TFG: variants seen among roughly 807,000 people sequenced by gnomAD.
The protein encoded by TFG is trafficking from ER to golgi regulator.
Under a neutral mutation model 51.4 loss-of-function variants are expected in TFG, and 22 were observed. The ratio of observed to expected loss-of-function variants is 0.43; its 90% CI spans 0.31 to 0.61. TFG has a LOEUF of 0.61. TFG is among the 20% of genes least tolerant of loss of function. TFG has a pLI of 0.12. For synonymous variants in TFG, 187 were observed against 165.6 expected (o/e 1.13, Z -0.99); for missense variants, 419 against 487.7 (o/e 0.86, Z 1.33).
intron 1 of TFG, 181 bp downstream of exon 1, chr3:100,709,902 GGGAGGGCGGGCGGGGCCTTGCA>G (rs2095024857): frequency 8.0e-6 from 1 of 125,448 alleles, no homozygotes; most frequent in African/African-American, 2.9e-5. Context: ...GAGGCCGGGG[GGGAGGGCGGGCGGGGCCTTGCA>G]TGGGGGGAGG....
intron 7 of TFG, among the ~76,000 whole-genome samples, chr3:100,747,943 TAGAG>T (rs1334000998): frequency 6.6e-6 from 1 of 152,144 alleles, no homozygotes; most frequent in Non-Finnish European, 1.5e-5. Context: ...GATTATGTCT[TAGAG>T]AGTTTAAAAA....
At chr3:100,738,452 A>G (rs182542007) in intron 6 of TFG, among the ~76,000 whole-genome samples, 4 of 152,362 alleles carry the variant, frequency 2.6e-5, no homozygotes, top group Admixed American at 6.5e-5. Context: ...CTGTTTATGT[A>G]TAAATAAATG....
intron 2 of TFG, among the ~76,000 whole-genome samples, chr3:100,714,902 A>T (rs1254426023): frequency 6.6e-6 from 1 of 152,222 alleles, no homozygotes; most frequent in Non-Finnish European, 1.5e-5. Flanking sequence ...ACTGAGTAGA[A>T]TTATAGTAGT....
intron 7 of TFG, among the ~76,000 whole-genome samples, chr3:100,747,047 CT>C (rs1484695851): frequency 5.9e-5 from 9 of 152,140 alleles, no homozygotes; most frequent in Admixed American, 5.9e-4. Context: ...TAGTCAGGGT[CT>C]TCACTCTGAG....
intron 3 of TFG, among the ~76,000 whole-genome samples, chr3:100,725,061 G>T (rs111616660): frequency 6.6e-6 from 1 of 152,032 alleles, no homozygotes; most frequent in Admixed American, 6.5e-5. Context: ...CTGCCACCAC[G>T]CCCGGCTAAT....
chr3:100,744,695 T>A (rs2095130236), intron 6 of TFG, 138 bp from the exon 7 acceptor site: 1 of 559,366 alleles, frequency 1.8e-6, no homozygotes, highest in Non-Finnish European at 3.3e-6. Context: ...TCATAGACAT[T>A]TAAAGTTGAA....
intron 2 of TFG, among the ~76,000 whole-genome samples, chr3:100,717,585 T>A (rs1369831589): frequency 6.6e-6 from 1 of 151,646 alleles, no homozygotes; most frequent in African/African-American, 2.4e-5. Flanking sequence ...CAGTGTTTTT[T>A]TTTTTTTTTG....
chr3:100,737,037 A>G (rs1171634643), intron 6 of TFG, among the ~76,000 whole-genome samples: 2 of 152,336 alleles, frequency 1.3e-5, no homozygotes, highest in East Asian at 1.9e-4. Flanking sequence ...ATTTTGTGTT[A>G]TAGATGCTAT....
chr3:100,713,554 G>A (rs548783611), intron 1 of TFG, 89 bp from the exon 2 acceptor site: 435 of 512,218 alleles, frequency 8.5e-4, no homozygotes, highest in Middle Eastern at 3.9e-3. Context: ...ATCTTTTGGA[G>A]GCTAGAGTTT....
chr3:100,746,542 A>G (rs1201193700), intron 7 of TFG, among the ~76,000 whole-genome samples: 3 of 151,718 alleles, frequency 2.0e-5, no homozygotes, highest in Non-Finnish European at 4.4e-5. Context: ...CCATATTTCC[A>G]TTTTTTTGCT....
chr3:100,711,967 C>G (rs72919426), intron 1 of TFG, among the ~76,000 whole-genome samples: 1 of 152,220 alleles, frequency 6.6e-6, no homozygotes, highest in East Asian at 1.9e-4. Context: ...ACTGTCTTCA[C>G]GAGAAGTCCA....
chr3:100,725,477 T>C (rs968806119), intron 3 of TFG, among the ~76,000 whole-genome samples: 5 of 151,370 alleles, frequency 3.3e-5, no homozygotes, highest in Admixed American at 1.3e-4. Flanking sequence ...GGAGCAAAGA[T>C]GAAAAAAATA....
intron 2 of TFG, among the ~76,000 whole-genome samples, chr3:100,719,321 A>G (rs1407438045): frequency 6.6e-6 from 1 of 152,092 alleles, no homozygotes; most frequent in Non-Finnish European, 1.5e-5. Flanking sequence ...TAGAGAATGT[A>G]TTTTTCCCTT....
chr3:100,748,704 A>C lies in TFG; in HGVS notation c.*173A>C. On this transcript the variant is annotated 3_prime_UTR_variant, in exon 8 of 8. Transcript: ENST00000240851. ...AATTTGCTGGAACACAAAGACCAAAATGAAAGTTTTTTCCTCCCTGCTTAA... is the reference window on the plus strand; with the variant it reads ...AATTTGCTGGAACACAAAGACCAAACTGAAAGTTTTTTCCTCCCTGCTTAA... The C allele has an allele frequency of 2.6e-6, 2 of 766,634 alleles. No homozygotes were observed. Among genetic ancestry groups the C allele is most frequent in the Non-Finnish European group, 3.9e-6 (2 of 514,176 alleles). The allele number at this position is 766,634 out of a possible 1,614,324, so 47.5% of individuals were successfully genotyped here.
chr3:100,711,893 C>T (rs72919423), intron 1 of TFG, among the ~76,000 whole-genome samples: 1 of 151,992 alleles, frequency 6.6e-6, no homozygotes, highest in Non-Finnish European at 1.5e-5. Context: ...TCCTGAATAC[C>T]GAAAGCATTG....
chr3:100,736,986 A>AG (rs1236531778), intron 6 of TFG, among the ~76,000 whole-genome samples: 2 of 152,174 alleles, frequency 1.3e-5, no homozygotes, highest in Non-Finnish European at 2.9e-5. Flanking sequence ...TGACCCTTGG[A>AG]GGGGAGGATA....
chr3:100,715,285 A>G (rs1475039033), intron 2 of TFG, among the ~76,000 whole-genome samples: 1 of 152,210 alleles, frequency 6.6e-6, no homozygotes, highest in African/African-American at 2.4e-5. Context: ...TTATAAGCTC[A>G]CCATAGGCAT....
intron 2 of TFG, among the ~76,000 whole-genome samples, chr3:100,718,054 A>G (rs568649046): frequency 6.6e-6 from 1 of 151,992 alleles, no homozygotes; most frequent in Admixed American, 6.6e-5. Flanking sequence ...CCTCCCGTGT[A>G]GCTGGGACTG....
rs142060861 is a variant in TFG at position 100,729,182 on chromosome 3, A to G, written c.415+324A>G. On this transcript the variant is annotated intron_variant, in intron 4 of 7. Transcript: ENST00000240851. Reference sequence around the variant, plus strand: ...GGATTTGTTACACAGGTCAGTTTTCAAATCCTTTTGACACATGAACCCTTT... The same window carrying G: ...GGATTTGTTACACAGGTCAGTTTTCGAATCCTTTTGACACATGAACCCTTT... 1.8e-4 allele frequency among the ~76,000 whole-genome samples: 27 copies of G among 152,332 alleles called. 1 individual carries two copies. Among genetic ancestry groups the G allele is most frequent in the African/African-American group, 6.3e-4 (26 of 41,582 alleles).
Sources: gnomAD v4.1 joint callset for allele counts (sites outside exome capture counted in the v4.1 genomes callset) on GRCh38, gnomAD v4.1.1 for gene constraint, MANE v1.5 for transcripts, NCBI Gene and HGNC (gene_info 2026-07-23, HGNC 2026-07-21) for gene names.